Variants in KERA observed in about 807,000 individuals in gnomAD.
KERA encodes keratocan, also known as keratan sulfate proteoglycan keratocan.
In KERA, 25 loss-of-function variants were observed where a neutral mutation model predicts 26.4. The observed-to-expected ratio is 0.95, with a 90% CI of 0.69 to 1.32. The LOEUF is 1.32. KERA is among the 40% of genes most tolerant of loss of function. The pLI, the probability that KERA is intolerant of heterozygous loss-of-function variation, is 0.00. For synonymous variants in KERA, 167 were observed against 146.1 expected (o/e 1.14, Z -1.03); for missense variants, 434 against 408.9 (o/e 1.06, Z -0.53).
chr12:91,050,688 T>C lies in KERA; in HGVS notation c.*658A>G, dbSNP rs574186889. On this transcript the variant is annotated 3_prime_UTR_variant, in exon 3 of 3. Coordinates refer to ENST00000266719, the MANE Select transcript of KERA (RefSeq NM_007035.4). Reference sequence around the variant, plus strand: ...AAATGCATTATAATAAACATAAAATTTAGAACTTATAAGAATGCAGTGGAC... The same window carrying C: ...AAATGCATTATAATAAACATAAAATCTAGAACTTATAAGAATGCAGTGGAC... The C allele has an allele frequency of 2.6e-5, 4 of 152,108 alleles. No individual in the cohort carries two copies. Among genetic ancestry groups the C allele is most frequent in the Non-Finnish European group, 5.9e-5 (4 of 67,696 alleles). The allele number at this position is 152,108 out of a possible 1,614,324, so 9.4% of individuals were successfully genotyped here.
Position 91,050,597 on chromosome 12 carries a change from T to G in KERA, c.*749A>C, listed in dbSNP as rs181050368. 2.6e-5 allele frequency: 4 copies of G among 151,958 alleles called. No homozygotes were observed. Among genetic ancestry groups the G allele is most frequent in the Non-Finnish European group, 5.9e-5 (4 of 67,694 alleles). 9.4% of individuals were successfully genotyped at this position (151,958 alleles called of 1,614,324 possible). On this transcript the variant is annotated 3_prime_UTR_variant, in exon 3 of 3. Transcript: ENST00000266719. Reference sequence around the variant, plus strand: ...TATTTAGAAAATCCAAAAAACACAATCAAATATAAAGAACAATTTGCAGTT... The same window carrying G: ...TATTTAGAAAATCCAAAAAACACAAGCAAATATAAAGAACAATTTGCAGTT...
Position 91,051,428 on chromosome 12 carries a change from C to T in KERA, c.977G>A (p.Arg326His), listed in dbSNP as rs1301496848. 2.7e-5 allele frequency: 43 copies of T among 1,610,906 alleles called. No individual in the cohort carries two copies. The Admixed American group carries it at 5.5e-4, about 21-fold the overall frequency. Reference protein sequence around the residue: ...FSYGPHLRYLRLDGNEIKPPI... With the variant: ...FSYGPHLRYLHLDGNEIKPPI... ...TGGTTTGATTTCATTTCCATCCAGACGGAGGTAGCGAAGATGAGGTCCATA... is the reference window on the plus strand; with the variant it reads ...TGGTTTGATTTCATTTCCATCCAGATGGAGGTAGCGAAGATGAGGTCCATA... Residue 326 changes from arginine to histidine, a missense_variant, in exon 3 of 3, where the codon CGT becomes CAT. Arg to His is a conservative substitution (Grantham distance 29, BLOSUM62 0). Transcript: ENST00000266719.
At chr12:91,053,909 C>A (rs922947044) in intron 2 of KERA, among the ~76,000 whole-genome samples, 2 of 151,276 alleles carry the variant, frequency 1.3e-5, no homozygotes, top group Non-Finnish European at 3.0e-5. Context: ...CATCAATTGT[C>A]CGTGGGGCTT....
intron 1 of KERA, among the ~76,000 whole-genome samples, chr12:91,057,374 TTATA>T (rs10543721): frequency 0.34 from 49,354 of 145,566 alleles, 11,033 homozygotes; most frequent in African/African-American, 0.64. Context: ...ACATATATAT[TTATA>T]TATATATATA....
chr12:91,053,313 T>A (rs905112160), intron 2 of KERA, among the ~76,000 whole-genome samples: 14 of 151,414 alleles, frequency 9.2e-5, no homozygotes, highest in Admixed American at 5.3e-4. Context: ...TAGAATTTTT[T>A]AAAAATTTGT....
Position 91,055,575 on chromosome 12 carries a change from A to G in KERA, c.707T>C (p.Ile236Thr), listed in dbSNP as rs1318660897. ...TAGTCTCAAAAAGGCCACTTTAGGA[A>G]TCACATTAAAATAATTTTCTGGTAT... Reference protein sequence around the residue: ...EGIPENYFNVIPKVAFLRLNH... With the variant: ...EGIPENYFNVTPKVAFLRLNH... The change falls in exon 2 of 3, where the codon ATT becomes ACT. Residue 236 changes from isoleucine (I) to threonine (T), a missense_variant. Coordinates refer to ENST00000266719, the MANE Select transcript of KERA (RefSeq NM_007035.4). 3 of 1,610,810 alleles carry G rather than the reference A, an allele frequency of 1.9e-6. No homozygotes were observed. The highest frequency in any genetic ancestry group is 1.1e-5 in the South Asian group (1 of 91,010).
At chr12:91,051,865 G>A (rs1442782229) in intron 2 of KERA, among the ~76,000 whole-genome samples, 2 of 151,534 alleles carry the variant, frequency 1.3e-5, no homozygotes, top group Admixed American at 1.3e-4. Context: ...CTGTAGGTAG[G>A]ATTTAGGGCA....
Position 91,055,944 on chromosome 12 carries a change from T to C in KERA, c.338A>G (p.Glu113Gly), listed in dbSNP as rs147799519. 6.8e-6 allele frequency: 11 copies of C among 1,611,114 alleles called. No individual in the cohort carries two copies. The highest frequency in any genetic ancestry group is 8.5e-6 in the Non-Finnish European group (10 of 1,178,202). Reference sequence around the variant, plus strand: ...CTTCAGCTGGCTTAGGGCTCCTTTTTCAATTCCGTAGTTGGTTATTTTGTT... The same window carrying C: ...CTTCAGCTGGCTTAGGGCTCCTTTTCCAATTCCGTAGTTGGTTATTTTGTT... Reference protein sequence around the residue: ...NKNKITNYGIEKGALSQLKKL... With the variant: ...NKNKITNYGIGKGALSQLKKL... The change falls in exon 2 of 3, where the codon GAA (glutamate) becomes GGA (glycine). Residue 113 changes from glutamate to glycine, a missense_variant. Coordinates refer to ENST00000266719, the MANE Select transcript of KERA (RefSeq NM_007035.4).
chr12:91,055,812 A>C lies in KERA; in HGVS notation c.470T>G (p.Ile157Ser). 6.2e-7 allele frequency: 1 copy of C among 1,611,352 alleles called. No individual in the cohort carries two copies. The highest frequency in any genetic ancestry group is 1.3e-5 in the African/African-American group (1 of 74,756). ...CAGATTGCTAAAGGTCCCTTGAGGA[A>C]TTCTGGACACCTTATTTCTAGCTAA... Reference protein sequence around the residue: ...LQLARNKVSRIPQGTFSNLEN... With the variant: ...LQLARNKVSRSPQGTFSNLEN... Residue 157 changes from isoleucine (I) to serine (S), a missense_variant, in exon 2 of 3, where the codon ATT becomes AGT. Ile to Ser is a moderately radical substitution (Grantham distance 142). Transcript: ENST00000266719.
chr12:91,051,322 A>T lies in KERA; in HGVS notation c.*24T>A. 1.3e-6 allele frequency: 2 copies of T among 1,599,852 alleles called. No homozygotes were observed. The highest frequency in any genetic ancestry group is 1.7e-6 in the Non-Finnish European group (2 of 1,168,186). ...ATGTCAGAAACAGCTCATTAAACTA[A>T]TTTTAGATTTGGTGAGAATGTGTTT... On this transcript the variant is annotated 3_prime_UTR_variant, in exon 3 of 3. Coordinates refer to ENST00000266719, the MANE Select transcript of KERA (RefSeq NM_007035.4).
intron 2 of KERA, among the ~76,000 whole-genome samples, chr12:91,053,536 C>T (rs1403985883): frequency 6.6e-6 from 1 of 151,248 alleles, no homozygotes; most frequent in Non-Finnish European, 1.5e-5. Context: ...GAGCCAGCAA[C>T]ATCAATACTA....
rs569395052 is a variant in KERA at position 91,051,014 on chromosome 12, A to G, written c.*332T>C. 1.7e-4 allele frequency: 42 copies of G among 243,674 alleles called. No individual in the cohort carries two copies. The highest frequency in any genetic ancestry group is 8.9e-4 in the African/African-American group (40 of 45,056). The allele number at this position is 243,674 out of a possible 1,614,324, so 15.1% of individuals were successfully genotyped here. A position where few individuals can be genotyped will look rare whatever the true frequency, so the allele number is the denominator to read the frequency against. ...TATCTGCATAAGTAATTTTAAACAT[A>G]CACAAATGTGTCCTTTTTATTGTAT... On this transcript the variant is annotated 3_prime_UTR_variant, in exon 3 of 3. Coordinates refer to ENST00000266719, the MANE Select transcript of KERA (RefSeq NM_007035.4).
chr12:91,052,992 A>C (rs745906907), intron 2 of KERA, among the ~76,000 whole-genome samples: 2 of 151,510 alleles, frequency 1.3e-5, no homozygotes, highest in Non-Finnish European at 3.0e-5. Flanking sequence ...CCTAATCTTA[A>C]ATCCCTGAAA....
chr12:91,055,512 C>T lies in KERA; in HGVS notation c.770G>A (p.Arg257Lys). 1 of 1,609,872 alleles carries T rather than the reference C, an allele frequency of 6.2e-7. No individual in the cohort carries two copies. Among genetic ancestry groups the T allele is most frequent in the South Asian group, 1.1e-5 (1 of 90,898 alleles). ...TAGAATTGATGATACATCAAATCCT[C>T]TTGATGGGAGACCCTCATCTGACAG... ...NKLSDEGLPS[R>K]GFDVSSILDL... The change falls in exon 2 of 3, where the codon AGA (arginine) becomes AAA (lysine). Residue 257 changes from arginine (R) to lysine (K), a missense_variant. By Grantham distance (26) the Arg-to-Lys change is conservative. Coordinates refer to ENST00000266719, the MANE Select transcript of KERA (RefSeq NM_007035.4).
chr12:91,055,349 A>G (rs1878966442), intron 2 of KERA, 47 bp downstream of exon 2: 1 of 1,504,678 alleles, frequency 6.6e-7, no homozygotes, highest in Non-Finnish European at 9.2e-7. Context: ...GATACATTTA[A>G]TGACCATGAG....
At chr12:91,055,375 C>T in intron 2 of KERA, 21 bp downstream of exon 2, 1 of 1,603,330 alleles carries the variant, frequency 6.2e-7, no homozygotes, top group East Asian at 2.2e-5. Flanking sequence ...TAGTCAAAGA[C>T]ATACTCTGCA....
At chr12:91,056,792 C>T (rs1592648547) in intron 1 of KERA, among the ~76,000 whole-genome samples, 1 of 151,216 alleles carries the variant, frequency 6.6e-6, no homozygotes, top group East Asian at 2.0e-4. Context: ...GATCAAAGAA[C>T]ATTTTAGCAC....
At position 91,051,349 on chromosome 12, in the gene KERA, A is replaced by G; in HGVS notation, c.1056T>C (p.Ile352=). Residue 352 remains isoleucine (I), a synonymous_variant, in exon 3 of 3, where the codon ATT becomes ATC. Transcript: ENST00000266719. ...TTTAGATTTGGTGAGAATGTGTTTAAATAATGACAGCCTGCAGAAGTCTGA... is the reference window on the plus strand; with the variant it reads ...TTTAGATTTGGTGAGAATGTGTTTAGATAATGACAGCCTGCAGAAGTCTGA... The part of the protein sequence containing the change: ...TCFRLLQAVI[I] 1 of 1,610,266 alleles carries G rather than the reference A, an allele frequency of 6.2e-7. No individual in the cohort carries two copies. The highest frequency in any genetic ancestry group is 8.5e-7 in the Non-Finnish European group (1 of 1,177,294).
chr12:91,052,811 CT>C (rs1878899308), intron 2 of KERA, among the ~76,000 whole-genome samples: 1 of 151,380 alleles, frequency 6.6e-6, no homozygotes, highest in Non-Finnish European at 1.5e-5. Context: ...GAATATGTCC[CT>C]TTCGATGTGC....
Sources: gnomAD v4.1 joint callset for allele counts (sites outside exome capture counted in the v4.1 genomes callset) on GRCh38, gnomAD v4.1.1 for gene constraint, MANE v1.5 for transcripts, NCBI Gene and HGNC (gene_info 2026-07-23, HGNC 2026-07-21) for gene names.